Variants in GNL3L observed in about 807,000 individuals in gnomAD.
GNL3L encodes guanine nucleotide-binding protein-like 3-like protein.
A neutral mutation model predicts 42.9 loss-of-function variants in GNL3L; 4 were observed. The ratio of observed to expected loss-of-function variants is 0.09; its 90% CI spans 0.05 to 0.21. The LOEUF is 0.21. Among genes scored for constraint, GNL3L ranks in the 10% least tolerant of loss-of-function variants. The pLI, the probability that GNL3L is intolerant of heterozygous loss-of-function variation, is 1.00. For synonymous variants in GNL3L, 159 were observed against 176.3 expected (o/e 0.90, Z 0.78); for missense variants, 412 against 481.7 (o/e 0.86, Z 1.36).
chrX:54,613,495 G>T (rs140801717), intron 16 of GNL3L, among the ~76,000 whole-genome samples: 9 of 110,707 alleles, frequency 8.1e-5, no homozygotes, highest in Non-Finnish European at 1.5e-4. Flanking sequence ...ATTTTTTGGG[G>T]GGTGTTGAAG....
chrX:54,547,240 G>T (rs1386675707), intron 8 of GNL3L, among the ~76,000 whole-genome samples: 1 of 109,800 alleles, frequency 9.1e-6, no homozygotes, highest in East Asian at 2.9e-4. Flanking sequence ...CAAGTGATCC[G>T]CCTGCCTTGG....
At chrX:54,606,091 G>T (rs964920928) in intron 16 of GNL3L, among the ~76,000 whole-genome samples, 1 of 111,614 alleles carries the variant, frequency 9.0e-6, no homozygotes, top group African/African-American at 3.3e-5. Flanking sequence ...TGGGCAGCAG[G>T]ATAACCTGAA....
At chrX:54,581,390 C>G (rs887007770) in intron 16 of GNL3L, among the ~76,000 whole-genome samples, 1 of 111,178 alleles carries the variant, frequency 9.0e-6, no homozygotes, top group African/African-American at 3.3e-5. Context: ...TGCCACCACA[C>G]CTGGCTAAAA....
intron 8 of GNL3L, 139 bp from the exon 9 acceptor site, chrX:54,548,090 T>C (rs1416316378): frequency 1.7e-5 from 8 of 478,727 alleles, no homozygotes; most frequent in African/African-American, 9.7e-5. Context: ...TGACACGTGT[T>C]CAAGATCTGT....
chrX:54,542,938 T>C lies in GNL3L; in HGVS notation c.307-17T>C, dbSNP rs751492903. On this transcript the variant is annotated splice_polypyrimidine_tract_variant and intron_variant, in intron 5 of 15. Transcript: ENST00000360845. ...CCCCTCCTCCCCTGGACCATTCTCTTTTTTTTTCTCCTTTAGGAGGAAGTT... is the reference window on the plus strand; with the variant it reads ...CCCCTCCTCCCCTGGACCATTCTCTCTTTTTTTCTCCTTTAGGAGGAAGTT... 3 of 1,098,275 alleles carry C rather than the reference T, an allele frequency of 2.7e-6. No homozygotes were observed. The highest frequency in any genetic ancestry group is 3.0e-5 in the East Asian group (1 of 33,219). The allele number at this position is 1,098,275 out of a possible 1,213,427, so 90.5% of individuals were successfully genotyped here.
chrX:54,623,080 G>A (rs1926308150), downstream of GNL3L, among the ~76,000 whole-genome samples: 1 of 111,460 alleles, frequency 9.0e-6, no homozygotes, highest in African/African-American at 3.3e-5. Context: ...TGGTCTATAT[G>A]TCTATCTTTA....
At chrX:54,573,198 T>C (rs1341220489) in intron 16 of GNL3L, among the ~76,000 whole-genome samples, 1 of 112,123 alleles carries the variant, frequency 8.9e-6, no homozygotes, top group African/African-American at 3.2e-5. Flanking sequence ...GGCAGGCGGC[T>C]GGGAGGTGGA....
At chrX:54,644,883 A>G in the GNL3L span, among the ~76,000 whole-genome samples, 3 of 111,866 alleles carry the variant, frequency 2.7e-5, no homozygotes, top group Non-Finnish European at 3.8e-5. Flanking sequence ...ATAATATCGA[A>G]TCTTCCTATT....
downstream of GNL3L, among the ~76,000 whole-genome samples, chrX:54,623,799 T>A (rs1414595124): frequency 5.9e-3 from 656 of 112,028 alleles, 6 homozygotes; most frequent in African/African-American, 0.021. Flanking sequence ...TTAATTTCCA[T>A]TTTGGATTGT....
intron 16 of GNL3L, among the ~76,000 whole-genome samples, chrX:54,585,910 C>T (rs1306322809): frequency 9.0e-6 from 1 of 110,950 alleles, no homozygotes; most frequent in East Asian, 2.8e-4. Context: ...GTTTTTGATG[C>T]ATGCCATCCA....
In GNL3L at chrX:54,561,432, G is replaced by A. The variant is rs147942598; in HGVS notation, c.*830G>A. 2.8e-3 allele frequency among the ~76,000 whole-genome samples: 319 copies of A among 112,347 alleles called. 1 individual carries two copies. The highest frequency in any genetic ancestry group is 9.7e-3 in the African/African-American group (299 of 30,952). Reference sequence around the variant, plus strand: ...GCAGTGAGAAAAAGTAGAAAGTAATGAGCCTCCTGTGTCTCTGGAAGGTTC... The same window carrying A: ...GCAGTGAGAAAAAGTAGAAAGTAATAAGCCTCCTGTGTCTCTGGAAGGTTC... On this transcript the variant is annotated 3_prime_UTR_variant, in exon 16 of 16. Transcript: ENST00000360845.
At chrX:54,556,614 A>G (rs1925103726) in intron 14 of GNL3L, among the ~76,000 whole-genome samples, 1 of 110,633 alleles carries the variant, frequency 9.0e-6, no homozygotes, top group African/African-American at 3.3e-5. Context: ...TCCTGACCCT[A>G]AGTGATCCGC....
In GNL3L at chrX:54,605,753, C is replaced by T. The variant is rs183047910; in HGVS notation, c.*46-15092C>T. On this transcript the variant is annotated intron_variant, in intron 16 of 16. Transcript: ENST00000674498. ...TGTGCTATTCCTTTTTGTCTTTGCT[C>T]GCGTTCTTCTCTTTAACTGCAATGC... Among the ~76,000 whole-genome samples, 272 of 111,083 alleles carry T rather than the reference C, an allele frequency of 2.4e-3. 1 individual carries two copies. The highest frequency in any genetic ancestry group is 8.5e-3 in the African/African-American group (260 of 30,555).
At chrX:54,572,915 G>A (rs1484048815) in intron 16 of GNL3L, among the ~76,000 whole-genome samples, 3 of 106,777 alleles carry the variant, frequency 2.8e-5, no homozygotes, top group East Asian at 3.0e-4. Flanking sequence ...ACAGGGCGGC[G>A]GGGCAGAGGC....
At chrX:54,618,719 A>G (rs1926251536) in intron 16 of GNL3L, among the ~76,000 whole-genome samples, 2 of 110,812 alleles carry the variant, frequency 1.8e-5, no homozygotes, top group African/African-American at 3.3e-5. Flanking sequence ...ACATAGTGAG[A>G]CACCATCTCT....
At chrX:54,548,100 T>C in intron 8 of GNL3L, 129 bp from the exon 9 acceptor site, 1 of 494,066 alleles carries the variant, frequency 2.0e-6, no homozygotes, top group Non-Finnish European at 3.5e-6. Flanking sequence ...TCAAGATCTG[T>C]GTGAGAAGCC....
chrX:54,596,673 A>G (rs1267110230), intron 16 of GNL3L, among the ~76,000 whole-genome samples: 3 of 112,058 alleles, frequency 2.7e-5, no homozygotes, highest in South Asian at 7.4e-4. Flanking sequence ...GGGCAGGTCC[A>G]TTGTTGCCAC....
At chrX:54,643,157 C>T in the GNL3L span, among the ~76,000 whole-genome samples, 1 of 111,781 alleles carries the variant, frequency 8.9e-6, no homozygotes, top group African/African-American at 3.2e-5. Flanking sequence ...ATACATCTAC[C>T]TTATTAAAAA....
Position 54,560,857 on chromosome X carries a change from A to G in GNL3L, c.*255A>G. ...GGAGTTCGAGACCAGCCTGGCCAAC[A>G]TGGTGAAACCCCGTCTCTACTAAAA... On this transcript the variant is annotated 3_prime_UTR_variant, in exon 16 of 16. Coordinates refer to ENST00000360845, the MANE Select transcript of GNL3L (RefSeq NM_001184819.2). 1 of 215,429 alleles carries G rather than the reference A, an allele frequency of 4.6e-6. No individual in the cohort carries two copies. The highest frequency in any genetic ancestry group is 1.3e-4 in the South Asian group (1 of 7,541). 17.8% of individuals were successfully genotyped at this position (215,429 alleles called of 1,213,427 possible).
Sources: gnomAD v4.1 joint callset for allele counts (sites outside exome capture counted in the v4.1 genomes callset) on GRCh38, gnomAD v4.1.1 for gene constraint, MANE v1.5 for transcripts, NCBI Gene and HGNC (gene_info 2026-07-23, HGNC 2026-07-21) for gene names.